The following PAX7 variants were observed in gnomAD, a reference collection of about 807,000 sequenced individuals.
The protein encoded by PAX7 is paired box protein Pax-7.
PAX7 carries 18 observed loss-of-function variants against 50.7 expected under a neutral mutation model. The ratio of observed to expected loss-of-function variants is 0.36; its 90% CI spans 0.25 to 0.53. The LOEUF (loss-of-function observed/expected upper bound fraction) is 0.53, where lower values mean the gene tolerates loss of function less well. Ranked by LOEUF, PAX7 falls within the 20% of genes least tolerant of loss-of-function variation. The probability of loss-of-function intolerance (pLI) is 0.93; values close to 1 mark genes in which losing one functional copy is unlikely to be tolerated. For synonymous variants in PAX7, 310 were observed against 290.4 expected (o/e 1.07, Z -0.69); for missense variants, 644 against 702.9 (o/e 0.92, Z 0.95).
intron 5 of PAX7, among the ~76,000 whole-genome samples, chr1:18,696,499 T>A (rs568911651): frequency 7.0e-4 from 106 of 152,238 alleles, no homozygotes; most frequent in Non-Finnish European, 1.4e-3. Context: ...AAAACTGAGA[T>A]GTAGCTAAGG....
intron 4 of PAX7, among the ~76,000 whole-genome samples, chr1:18,683,592 C>A (rs2088929788): frequency 6.6e-6 from 1 of 152,194 alleles, no homozygotes. Context: ...GTAATCCCAG[C>A]ACTGTGGGAG....
At chr1:18,687,232 A>G (rs910617514) in intron 4 of PAX7, among the ~76,000 whole-genome samples, 3 of 151,990 alleles carry the variant, frequency 2.0e-5, no homozygotes, top group African/African-American at 7.2e-5. Flanking sequence ...CCATCCAGGG[A>G]GGGAGGCATA....
chr1:18,740,815 A>T (rs1213723332), intron 8 of PAX7, among the ~76,000 whole-genome samples: 1 of 152,230 alleles, frequency 6.6e-6, no homozygotes, highest in Admixed American at 6.5e-5. Flanking sequence ...CTATTCAGCC[A>T]TAAAAAAGAA....
intron 4 of PAX7, among the ~76,000 whole-genome samples, chr1:18,648,770 C>A (rs2088387126): frequency 6.6e-6 from 1 of 152,092 alleles, no homozygotes; most frequent in African/African-American, 2.4e-5. Flanking sequence ...CAGCGGGGAG[C>A]CATGGAGGAT....
At chr1:18,742,832 C>G (rs2100418681) in intron 8 of PAX7, among the ~76,000 whole-genome samples, 1 of 152,364 alleles carries the variant, frequency 6.6e-6, no homozygotes, top group East Asian at 1.9e-4. Flanking sequence ...TGTCGAGGGC[C>G]AAGCCCCTTC....
At chr1:18,654,500 A>G (rs58017490) in intron 4 of PAX7, among the ~76,000 whole-genome samples, 3,012 of 152,272 alleles carry the variant, frequency 0.02, 107 homozygotes, top group African/African-American at 0.068. Context: ...CTCATGTGCA[A>G]TGCCTTCCTC....
chr1:18,734,757 C>T (rs1453938731), intron 7 of PAX7, among the ~76,000 whole-genome samples: 1 of 152,190 alleles, frequency 6.6e-6, no homozygotes, highest in African/African-American at 2.4e-5. Context: ...CTCCCCCGAC[C>T]GAGGGCAGGG....
At position 18,736,043 on chromosome 1, in the gene PAX7, G is replaced by T. The variant is rs2089709284; in HGVS notation, c.1402+165G>T. On this transcript the variant is annotated intron_variant, in intron 8 of 8. Coordinates refer to ENST00000420770, the MANE Select transcript of PAX7 (RefSeq NM_001135254.2). ...CCAGATGGAACAGTTCACCTAAAAT[G>T]ACACTGAGTTGGGCAAAACCCAGGA... 2.0e-6 allele frequency: 3 copies of T among 1,465,242 alleles called. No individual in the cohort carries two copies. The South Asian group carries it at 3.6e-5, about 18-fold the overall frequency. 90.8% of individuals were successfully genotyped at this position (1,465,242 alleles called of 1,614,324 possible).
chr1:18,730,416 C>T (rs1238727000), intron 7 of PAX7, among the ~76,000 whole-genome samples: 2 of 151,856 alleles, frequency 1.3e-5, no homozygotes, highest in South Asian at 2.1e-4. Flanking sequence ...TGTGTCCTGC[C>T]GATGGTCCCT....
rs1440745785 is a variant in PAX7 at position 18,746,649 on chromosome 1, C to A, written c.*1720C>A. The A allele has an allele frequency of 8.7e-6, 2 of 230,920 alleles. No individual in the cohort carries two copies. The highest frequency in any genetic ancestry group is 1.7e-5 in the Non-Finnish European group (2 of 116,648). The allele number at this position is 230,920 out of a possible 1,614,324, so 14.3% of individuals were successfully genotyped here. A position where few individuals can be genotyped will look rare whatever the true frequency, so the allele number is the denominator to read the frequency against. The stretch of plus-strand genomic sequence containing the variant: ...TCATGAGGCCACCTCTTTGCTCAAT[C>A]CATGCCTCTTGCCCTCAGTCAACAA... On this transcript the variant is annotated 3_prime_UTR_variant, in exon 9 of 9. Coordinates refer to ENST00000420770, the MANE Select transcript of PAX7 (RefSeq NM_001135254.2).
intron 4 of PAX7, among the ~76,000 whole-genome samples, chr1:18,682,183 G>A (rs1006774304): frequency 1.3e-5 from 2 of 152,284 alleles, no homozygotes; most frequent in East Asian, 1.9e-4. Context: ...CCTTGAGTTG[G>A]GAGAGTGAAA....
chr1:18,735,901 G>C lies in PAX7; in HGVS notation c.1402+23G>C. 1 of 1,614,014 alleles carries C rather than the reference G, an allele frequency of 6.2e-7. No homozygotes were observed. The highest frequency in any genetic ancestry group is 8.5e-7 in the Non-Finnish European group (1 of 1,180,014). On this transcript the variant is annotated intron_variant, in intron 8 of 8. Transcript: ENST00000420770. This position sits in a 1 kb window ranked among gnomAD's most constrained non-coding sequence, Gnocchi z 4.0. ...AGAGTGAGTGCCTGGTGCCCTGGGC[G>C]TCCCCCGTCCCCATTCCTTCTCCCA...
intron 7 of PAX7, among the ~76,000 whole-genome samples, chr1:18,724,804 A>G (rs2089537845): frequency 6.6e-6 from 1 of 152,220 alleles, no homozygotes; most frequent in Non-Finnish European, 1.5e-5. Context: ...ATTTCATTGA[A>G]TCTAAGACAT....
At chr1:18,719,534 C>T (rs2089468385) in intron 7 of PAX7, among the ~76,000 whole-genome samples, 4 of 152,232 alleles carry the variant, frequency 2.6e-5, no homozygotes, top group Admixed American at 2.0e-4. Context: ...TGACCAGCGG[C>T]ATCGAAGGAT....
intron 7 of PAX7, among the ~76,000 whole-genome samples, chr1:18,714,701 G>C (rs2089396549): frequency 6.6e-6 from 1 of 152,178 alleles, no homozygotes. Flanking sequence ...TGATTCTGTG[G>C]GTTACTTGTA....
chr1:18,717,615 G>A (rs2089444383), intron 7 of PAX7, among the ~76,000 whole-genome samples: 1 of 152,166 alleles, frequency 6.6e-6, no homozygotes, highest in South Asian at 2.1e-4. Flanking sequence ...CTTTGCCTCT[G>A]GTTTCTAACT....
intron 4 of PAX7, among the ~76,000 whole-genome samples, chr1:18,641,813 C>T (rs1277531301): frequency 6.6e-6 from 1 of 152,130 alleles, no homozygotes; most frequent in Non-Finnish European, 1.5e-5. Flanking sequence ...TCCTGAGGCG[C>T]GACCACAGCA....
intron 7 of PAX7, among the ~76,000 whole-genome samples, chr1:18,718,496 G>A (rs1435512964): frequency 6.6e-6 from 1 of 152,152 alleles, no homozygotes; most frequent in Non-Finnish European, 1.5e-5. Flanking sequence ...CCGGTCCCAG[G>A]CCTGGCACAT....
intron 4 of PAX7, among the ~76,000 whole-genome samples, chr1:18,650,299 T>C (rs2088411792): frequency 6.6e-6 from 1 of 152,228 alleles, no homozygotes; most frequent in Non-Finnish European, 1.5e-5. Flanking sequence ...GGGAGGTCTC[T>C]TTGGAAAAAG....
Sources: gnomAD v4.1 joint callset for allele counts (sites outside exome capture counted in the v4.1 genomes callset) on GRCh38, gnomAD v4.1.1 for gene constraint, Gnocchi (gnomAD v3.1) non-coding constraint, MANE v1.5 for transcripts, NCBI Gene and HGNC (gene_info 2026-07-23, HGNC 2026-07-21) for gene names.